Variants in PCDH15 observed in about 807,000 individuals in gnomAD.
PCDH15 encodes the protein protocadherin related 15, also known as protocadherin-15.
Under a neutral mutation model 178.5 loss-of-function variants are expected in PCDH15, and 129 were observed. That is an observed-to-expected ratio of 0.72 (90% CI 0.63 to 0.84). The LOEUF is 0.84. Ranked by LOEUF, PCDH15 falls within the 40% of genes least tolerant of loss-of-function variation. The pLI is 0.00. For synonymous variants in PCDH15, 800 were observed against 732.0 expected, an observed-to-expected ratio of 1.09 and a Z score of -1.50; for missense variants, 2,230 against 2,099.9, an observed-to-expected ratio of 1.06 and a Z score of -1.21.
chr10:55,052,537 CAAAAAAAAA>C lies in PCDH15; in HGVS notation c.-80+114030_-80+114038del, dbSNP rs71014444. On this transcript the variant is annotated intron_variant, in intron 2 of 5. Coordinates refer to the PCDH15 transcript ENST00000458638. ...AACATGGCGAAAACCCCGTCTCATA[CAAAAAAAAA>C]AAAAAAAAAAAAAAAAAAAGCTAGG... Among the ~76,000 whole-genome samples, 3 of 39,362 alleles carry C rather than the reference CAAAAAAAAA, an allele frequency of 7.6e-5. 1 individual carries two copies. The highest frequency in any genetic ancestry group is 1.8e-4 in the African/African-American group (2 of 11,390). The allele number at this position is 39,362 out of a possible 152,430, so 25.8% of individuals were successfully genotyped here.
chr10:55,069,037 A>G (rs1033933849), intron 2 of PCDH15, among the ~76,000 whole-genome samples: 58 of 148,780 alleles, frequency 3.9e-4, no homozygotes, highest in Admixed American at 2.0e-4. Flanking sequence ...AGCTGGGATT[A>G]CAGGTATGTT....
intron 1 of PCDH15, among the ~76,000 whole-genome samples, chr10:55,237,278 A>G (rs1841407561): frequency 6.6e-6 from 1 of 152,090 alleles, no homozygotes; most frequent in South Asian, 2.1e-4. Flanking sequence ...TGAAGAAAAA[A>G]CAGCCCCTTC....
intron 2 of PCDH15, among the ~76,000 whole-genome samples, chr10:54,618,837 A>G (rs2093267565): frequency 6.6e-6 from 1 of 152,100 alleles, no homozygotes. Flanking sequence ...AGCAAAATAT[A>G]TGAAGACACA....
chr10:54,013,172 A>G (rs1350685926), intron 20 of PCDH15, among the ~76,000 whole-genome samples: 1 of 152,194 alleles, frequency 6.6e-6, no homozygotes, highest in Non-Finnish European at 1.5e-5. Flanking sequence ...GATGAGCCTT[A>G]CATAATGGTA....
intron 2 of PCDH15, among the ~76,000 whole-genome samples, chr10:54,637,582 C>T (rs1483101255): frequency 6.6e-6 from 1 of 152,040 alleles, no homozygotes; most frequent in Non-Finnish European, 1.5e-5. Flanking sequence ...AGCTTATCTG[C>T]TTTACTCTTT....
chr10:54,435,668 A>G (rs566674254), intron 3 of PCDH15, among the ~76,000 whole-genome samples: 14 of 152,120 alleles, frequency 9.2e-5, no homozygotes, highest in Non-Finnish European at 2.1e-4. Context: ...TGGAAAGGCA[A>G]TATTAGAAAT....
At chr10:54,209,155 C>T (rs796332034) in intron 10 of PCDH15, among the ~76,000 whole-genome samples, 7 of 152,150 alleles carry the variant, frequency 4.6e-5, no homozygotes, top group African/African-American at 1.4e-4. Flanking sequence ...TGACTTGCTA[C>T]TCTGCCTGAC....
chr10:54,132,869 A>G lies in PCDH15; in HGVS notation c.1917+6T>C, dbSNP rs2042558989. ...CACACACACACACACACACCAAGGA[A>G]CATACCTGTAGATTTAATAAAACAG... is the stretch of plus-strand genomic sequence containing the variant. On this transcript the variant is annotated splice_donor_region_variant and intron_variant, in intron 15 of 37. Coordinates refer to ENST00000644397, the MANE Select transcript of PCDH15 (RefSeq NM_001384140.1). 1.2e-6 allele frequency: 2 copies of G among 1,608,258 alleles called. No individual in the cohort carries two copies. Among genetic ancestry groups the G allele is most frequent in the Non-Finnish European group, 8.5e-7 (1 of 1,176,800 alleles).
intron 2 of PCDH15, among the ~76,000 whole-genome samples, chr10:54,912,175 T>C (rs1954830269): frequency 6.6e-6 from 1 of 152,132 alleles, no homozygotes; most frequent in Non-Finnish European, 1.5e-5. Flanking sequence ...TTTTCATATA[T>C]ATATTTATAA....
chr10:53,918,732 AC>A lies in PCDH15; in HGVS notation c.3374-15363del, dbSNP rs2083745827. On this transcript the variant is annotated intron_variant, in intron 25 of 37. Coordinates refer to ENST00000644397, the MANE Select transcript of PCDH15 (RefSeq NM_001384140.1). Reference sequence around the variant, plus strand: ...TACACAAACACACACACACACACACACACACACACACACACACACACACACA... The same window carrying A: ...TACACAAACACACACACACACACACAACACACACACACACACACACACACA... 2.7e-4 allele frequency among the ~76,000 whole-genome samples: 4 copies of A among 15,044 alleles called. No individual in the cohort carries two copies. In the Admixed American group the frequency reaches 5.8e-3, roughly 22 times the overall value. The allele number at this position is 15,044 out of a possible 152,430, so 9.9% of individuals were successfully genotyped here.
chr10:55,072,154 C>T (rs1176481371), intron 2 of PCDH15, among the ~76,000 whole-genome samples: 5 of 151,810 alleles, frequency 3.3e-5, no homozygotes, highest in African/African-American at 1.2e-4. Context: ...AGGAAAGATG[C>T]AAAATTGACA....
At chr10:55,236,137 T>C (rs1387692252) in intron 1 of PCDH15, among the ~76,000 whole-genome samples, 1 of 151,976 alleles carries the variant, frequency 6.6e-6, no homozygotes, top group Non-Finnish European at 1.5e-5. Context: ...TTCAATAACA[T>C]GCAGTGTTTC....
intron 32 of PCDH15, chr10:53,825,283 T>C (rs377742449): frequency 2.0e-6 from 2 of 978,656 alleles, no homozygotes; most frequent in African/African-American, 1.7e-5. Flanking sequence ...AAAAAAGGCA[T>C]GTTTTTATAT....
intron 2 of PCDH15, among the ~76,000 whole-genome samples, chr10:55,011,687 G>A (rs1840050376): frequency 1.3e-5 from 2 of 151,940 alleles, no homozygotes; most frequent in African/African-American, 2.4e-5. Context: ...GGAAATAATG[G>A]GGAAGAAATA....
chr10:54,177,300 C>A lies in PCDH15; in HGVS notation c.1590+6144G>T, dbSNP rs377699504. ...CAAGCAAGGGGGAGGGAAGCATAGGCAGAGCACAGGATTTTTAGAGCAGTG... is the reference window on the plus strand; with the variant it reads ...CAAGCAAGGGGGAGGGAAGCATAGGAAGAGCACAGGATTTTTAGAGCAGTG... On this transcript the variant is annotated intron_variant, in intron 13 of 37. Coordinates refer to ENST00000644397, the MANE Select transcript of PCDH15 (RefSeq NM_001384140.1). 2.7e-4 allele frequency among the ~76,000 whole-genome samples: 41 copies of A among 152,158 alleles called. No homozygotes were observed. In the East Asian group the frequency reaches 5.4e-3, roughly 20 times the overall value.
At chr10:54,410,001 G>A (rs758035117) in intron 3 of PCDH15, among the ~76,000 whole-genome samples, 14 of 152,132 alleles carry the variant, frequency 9.2e-5, no homozygotes, top group Non-Finnish European at 1.9e-4. Context: ...ACAGTATTCT[G>A]TTACAGCAAC....
intron 3 of PCDH15, among the ~76,000 whole-genome samples, chr10:54,459,948 T>G (rs2077067940): frequency 6.6e-6 from 1 of 152,292 alleles, no homozygotes; most frequent in Admixed American, 6.5e-5. Flanking sequence ...ACTACTTGAC[T>G]TAGCTCTTTC....
chr10:54,262,055 A>G (rs190053319), intron 8 of PCDH15, among the ~76,000 whole-genome samples: 2 of 152,152 alleles, frequency 1.3e-5, no homozygotes, highest in African/African-American at 4.8e-5. Context: ...GGGACACTAC[A>G]TACCCACAAT....
intron 2 of PCDH15, among the ~76,000 whole-genome samples, chr10:54,622,740 T>TA (rs1565778270): frequency 2.8e-4 from 7 of 25,410 alleles, no homozygotes; most frequent in Non-Finnish European, 6.7e-4. Context: ...TAATTATATA[T>TA]ATATTATATA....
Sources: allele counts gnomAD v4.1 joint callset (sites outside exome capture counted in the v4.1 genomes callset), GRCh38; gene constraint gnomAD v4.1.1; transcripts MANE v1.5; gene names NCBI Gene and HGNC (gene_info 2026-07-23, HGNC 2026-07-21).